BCKDHB: variants seen among roughly 807,000 people sequenced by gnomAD.
BCKDHB encodes branched chain keto acid dehydrogenase E1 subunit beta, also known as 2-oxoisovalerate dehydrogenase subunit beta, mitochondrial.
In BCKDHB, 41 loss-of-function variants were observed where a neutral mutation model predicts 48.5. The observed-to-expected ratio is 0.85, with a 90% CI of 0.66 to 1.10. The LOEUF is 1.10. Among genes scored for constraint, BCKDHB ranks in the 50% least tolerant of loss-of-function variants. The pLI is 0.00. For missense variants in BCKDHB, 496 were observed against 494.2 expected, an observed-to-expected ratio of 1.00 and a Z score of -0.03; for synonymous variants, 201 against 174.8, an observed-to-expected ratio of 1.15 and a Z score of -1.18.
At chr6:80,270,252 A>G (rs1298361605) in intron 8 of BCKDHB, among the ~76,000 whole-genome samples, 1 of 152,098 alleles carries the variant, frequency 6.6e-6, no homozygotes, top group Non-Finnish European at 1.5e-5. Flanking sequence ...AGTCTTCTAA[A>G]TTTTTGCATT....
intron 9 of BCKDHB, among the ~76,000 whole-genome samples, chr6:80,300,161 C>T (rs1299422455): frequency 2.6e-5 from 4 of 151,986 alleles, no homozygotes; most frequent in Non-Finnish European, 5.9e-5. Context: ...AGGTGATCCT[C>T]CCACCTCAGC....
At chr6:80,448,528 A>G in the BCKDHB span, among the ~76,000 whole-genome samples, 1 of 152,154 alleles carries the variant, frequency 6.6e-6, no homozygotes, top group African/African-American at 2.4e-5. Context: ...GGAAGGATCC[A>G]GGACTCATGT....
the BCKDHB span, among the ~76,000 whole-genome samples, chr6:80,447,300 T>G: frequency 1.3e-5 from 2 of 151,724 alleles, no homozygotes; most frequent in African/African-American, 2.4e-5. Context: ...TGGATACTAT[T>G]TATTTTTTGC....
At chr6:80,144,781 A>G (rs569316919) in intron 3 of BCKDHB, among the ~76,000 whole-genome samples, 2 of 152,274 alleles carry the variant, frequency 1.3e-5, no homozygotes, top group Admixed American at 6.5e-5. Context: ...GTAAAATTTC[A>G]GTAAAATTTG....
intron 6 of BCKDHB, among the ~76,000 whole-genome samples, chr6:80,189,667 G>A (rs1773804802): frequency 6.6e-6 from 1 of 152,132 alleles, no homozygotes; most frequent in South Asian, 2.1e-4. Flanking sequence ...CCCATACTTA[G>A]AGGCAGATAG....
chr6:80,227,828 TAA>T (rs1775743268), intron 8 of BCKDHB, among the ~76,000 whole-genome samples: 1 of 152,218 alleles, frequency 6.6e-6, no homozygotes, highest in Non-Finnish European at 1.5e-5. Context: ...TGTTTTCTAA[TAA>T]GAGTAATTCT....
intron 3 of BCKDHB, among the ~76,000 whole-genome samples, chr6:80,164,427 TG>T (rs942650840): frequency 6.6e-6 from 1 of 152,196 alleles, no homozygotes; most frequent in African/African-American, 2.4e-5. Context: ...CACCTCTCAG[TG>T]GGGTCTTCCC....
At chr6:80,429,412 AGTCAATG>A in the BCKDHB span, among the ~76,000 whole-genome samples, 1 of 152,182 alleles carries the variant, frequency 6.6e-6, no homozygotes, top group Non-Finnish European at 1.5e-5. Flanking sequence ...CTGTGAAGAA[AGTCAATG>A]GTAGCTTGAT....
chr6:80,139,128 T>C (rs987019982), intron 3 of BCKDHB, among the ~76,000 whole-genome samples: 1 of 152,224 alleles, frequency 6.6e-6, no homozygotes, highest in African/African-American at 2.4e-5. Flanking sequence ...TTCATGTCCT[T>C]CGCCCACTTT....
intron 3 of BCKDHB, among the ~76,000 whole-genome samples, chr6:80,155,606 A>G (rs1483847031): frequency 6.6e-6 from 1 of 152,116 alleles, no homozygotes; most frequent in African/African-American, 2.4e-5. Flanking sequence ...TTCATACCCA[A>G]CCATAGTTTT....
At chr6:80,123,179 C>T (rs1432258132) in intron 1 of BCKDHB, among the ~76,000 whole-genome samples, 1 of 152,038 alleles carries the variant, frequency 6.6e-6, no homozygotes, top group Non-Finnish European at 1.5e-5. Context: ...TGCTGTTATT[C>T]TGTTGTTTTT....
At chr6:80,458,079 T>G in the BCKDHB span, among the ~76,000 whole-genome samples, 1 of 152,162 alleles carries the variant, frequency 6.6e-6, no homozygotes, top group Non-Finnish European at 1.5e-5. Flanking sequence ...AGAACCCAGT[T>G]ATAGGTTGAG....
At chr6:80,440,644 T>G in the BCKDHB span, 1 of 151,596 alleles carries the variant, frequency 6.6e-6, no homozygotes, top group Non-Finnish European at 1.5e-5. Flanking sequence ...TGAACGTGTG[T>G]CTCTACAACT....
At chr6:80,200,879 A>G in intron 6 of BCKDHB, 55 bp from the exon 7 acceptor site, 2 of 1,357,044 alleles carry the variant, frequency 1.5e-6, no homozygotes, top group East Asian at 2.3e-5. Context: ...TATTTTATGC[A>G]CAAGTGTCAC....
At chr6:80,211,305 TTTTAA>T (rs1429356497) in intron 8 of BCKDHB, among the ~76,000 whole-genome samples, 3 of 152,344 alleles carry the variant, frequency 2.0e-5, no homozygotes, top group Non-Finnish European at 4.4e-5. Flanking sequence ...CGTACAGTCT[TTTTAA>T]TTTATCTTTT....
intron 2 of BCKDHB, among the ~76,000 whole-genome samples, chr6:80,128,592 C>G (rs1015433043): frequency 6.6e-6 from 1 of 152,208 alleles, no homozygotes; most frequent in Non-Finnish European, 1.5e-5. Flanking sequence ...TGTGACTGTT[C>G]CCTTAGCTTG....
intron 8 of BCKDHB, among the ~76,000 whole-genome samples, chr6:80,245,969 G>A (rs1282982573): frequency 6.6e-6 from 1 of 152,170 alleles, no homozygotes; most frequent in Admixed American, 6.5e-5. Flanking sequence ...CCAGCTACTC[G>A]GGAGGCTGCT....
At chr6:80,165,351 C>G (rs554367017) in intron 3 of BCKDHB, among the ~76,000 whole-genome samples, 15 of 152,266 alleles carry the variant, frequency 9.9e-5, no homozygotes, top group African/African-American at 3.6e-4. Context: ...AGTCACAGAT[C>G]ATGATGAGTA....
chr6:80,431,088 A>G, the BCKDHB span, among the ~76,000 whole-genome samples: 1 of 152,178 alleles, frequency 6.6e-6, no homozygotes, highest in Admixed American at 6.5e-5. Flanking sequence ...CCCAGTAGTC[A>G]TTCAGGAGCA....
Sources: allele counts gnomAD v4.1 joint callset (sites outside exome capture counted in the v4.1 genomes callset), GRCh38; gene constraint gnomAD v4.1.1; transcripts MANE v1.5; gene names NCBI Gene and HGNC (gene_info 2026-07-23, HGNC 2026-07-21).